Variants in CEP162 observed in about 807,000 individuals in gnomAD.
CEP162 encodes centrosomal protein of 162 kDa.
A neutral mutation model predicts 169.2 loss-of-function variants in CEP162; 141 were observed. That is an observed-to-expected ratio of 0.83 (90% CI 0.73 to 0.96). The LOEUF is 0.96. CEP162 is among the 40% of genes least tolerant of loss of function. The probability of loss-of-function intolerance (pLI) is 0.00; values close to 1 mark genes in which losing one functional copy is unlikely to be tolerated. For missense variants in CEP162, 1,600 were observed against 1,587.2 expected, an observed-to-expected ratio of 1.01 and a Z score of -0.14; for synonymous variants, 540 against 526.4, an observed-to-expected ratio of 1.03 and a Z score of -0.35.
At chr6:84,179,293 C>T (rs529330530) in intron 13 of CEP162, among the ~76,000 whole-genome samples, 9 of 152,248 alleles carry the variant, frequency 5.9e-5, no homozygotes, top group African/African-American at 2.2e-4. Context: ...TAAAAGTGTT[C>T]CTATTTCTCC....
At chr6:84,199,116 T>TA (rs1222209636) in intron 9 of CEP162, among the ~76,000 whole-genome samples, 2 of 152,292 alleles carry the variant, frequency 1.3e-5, no homozygotes, top group Non-Finnish European at 2.9e-5. Flanking sequence ...AATGGCCTTT[T>TA]AAAAAAATTC....
intron 25 of CEP162, among the ~76,000 whole-genome samples, chr6:84,142,873 TAA>T (rs565852961): frequency 0.024 from 3,665 of 152,200 alleles, 137 homozygotes; most frequent in African/African-American, 0.084. Flanking sequence ...GCTGCTTGCC[TAA>T]CCTGCATGTG....
At chr6:84,156,010 A>C (rs912590379) in intron 21 of CEP162, among the ~76,000 whole-genome samples, 1 of 152,112 alleles carries the variant, frequency 6.6e-6, no homozygotes, top group Admixed American at 6.6e-5. Context: ...CCAAAACAGC[A>C]CAGTACTGAT....
intron 25 of CEP162, among the ~76,000 whole-genome samples, chr6:84,145,604 G>A (rs577766265): frequency 6.6e-6 from 1 of 151,988 alleles, no homozygotes; most frequent in Non-Finnish European, 1.5e-5. Context: ...ATGTAATCTG[G>A]TCTAGATCTC....
rs534843635 is a variant in CEP162, at chr6:84,128,938, G to A, written c.3871-2426C>T. Among the ~76,000 whole-genome samples, 5 of 151,710 alleles carry A rather than the reference G, an allele frequency of 3.3e-5. No individual in the cohort carries two copies. In the South Asian group the frequency reaches 6.3e-4, roughly 19 times the overall value. The stretch of plus-strand genomic sequence containing the variant: ...CTTCCACTTATGAGTGAGAACATGC[G>A]GTGTTTGGTTTTCTGTTCTTGCCTT... On this transcript the variant is annotated intron_variant, in intron 25 of 26. Transcript: ENST00000403245.
At chr6:84,180,704 GACAA>G (rs1318442640) in intron 13 of CEP162, among the ~76,000 whole-genome samples, 26 of 151,840 alleles carry the variant, frequency 1.7e-4, no homozygotes, top group African/African-American at 3.9e-4. Context: ...ACCAATAACA[GACAA>G]ACAGAGAGCC....
At chr6:84,222,663 TCTGA>T (rs1162554535) in intron 2 of CEP162, among the ~76,000 whole-genome samples, 4 of 152,238 alleles carry the variant, frequency 2.6e-5, no homozygotes, top group South Asian at 2.1e-4. Flanking sequence ...TAAACCCATG[TCTGA>T]CTAACTCCTG....
At chr6:84,222,247 C>T (rs1369862328) in intron 2 of CEP162, among the ~76,000 whole-genome samples, 1 of 152,164 alleles carries the variant, frequency 6.6e-6, no homozygotes, top group African/African-American at 2.4e-5. Flanking sequence ...CAGTTATCCT[C>T]CCTGATCACA....
chr6:84,146,826 C>T (rs1161955441), intron 24 of CEP162, 41 bp from the exon 25 acceptor site: 7 of 1,000,222 alleles, frequency 7.0e-6, no homozygotes, highest in Non-Finnish European at 1.0e-5. Flanking sequence ...AAAGCTCCTC[C>T]TTGAACACTA....
intron 2 of CEP162, 77 bp from the exon 3 acceptor site, chr6:84,221,248 T>C: frequency 1.4e-6 from 1 of 724,800 alleles, no homozygotes; most frequent in Non-Finnish European, 2.4e-6. Flanking sequence ...TAAGCATGTT[T>C]CTATTAGTTC....
chr6:84,149,519 C>T (rs546256904), intron 24 of CEP162, 43 bp downstream of exon 24: 7 of 1,465,366 alleles, frequency 4.8e-6, no homozygotes, highest in Admixed American at 2.4e-5. Flanking sequence ...AAAGTCAAAA[C>T]GAGTTTATTC....
chr6:84,198,014 G>C (rs1322836682), intron 9 of CEP162, among the ~76,000 whole-genome samples: 1 of 152,024 alleles, frequency 6.6e-6, no homozygotes, highest in East Asian at 1.9e-4. Context: ...CTTGGTGTTA[G>C]GAAACCTTAA....
chr6:84,129,606 G>A (rs1182454975), intron 25 of CEP162, among the ~76,000 whole-genome samples: 1 of 152,044 alleles, frequency 6.6e-6, no homozygotes, highest in East Asian at 1.9e-4. Flanking sequence ...TGGATAGATT[G>A]CAAAAATTTT....
In CEP162 at chr6:84,175,012, G is replaced by A. The variant is rs542726638; in HGVS notation, c.1798-58C>T. 13 of 1,153,124 alleles carry A rather than the reference G, an allele frequency of 1.1e-5. No homozygotes were observed. In the South Asian group the frequency reaches 2.0e-4, roughly 17 times the overall value. The allele number at this position is 1,153,124 out of a possible 1,614,324, so 71.4% of individuals were successfully genotyped here. ...GACTTATGTATAAGATTTGAACACA[G>A]GTGGTTAATTAAAAAAAGAATAAAA... On this transcript the variant is annotated intron_variant, in intron 14 of 26. Transcript: ENST00000403245.
intron 9 of CEP162, among the ~76,000 whole-genome samples, chr6:84,195,496 C>T (rs1438044671): frequency 6.6e-6 from 1 of 152,224 alleles, no homozygotes; most frequent in Non-Finnish European, 1.5e-5. Context: ...TCCAACTTTG[C>T]AATCCAATGT....
At chr6:84,217,879 G>A (rs1300562654) in intron 3 of CEP162, 2 of 152,242 alleles carry the variant, frequency 1.3e-5, no homozygotes, top group Non-Finnish European at 2.9e-5. Context: ...AAGAGACACA[G>A]TAGATAGGTG....
chr6:84,180,063 G>A (rs1310636718), intron 13 of CEP162, among the ~76,000 whole-genome samples: 5 of 152,036 alleles, frequency 3.3e-5, no homozygotes, highest in Admixed American at 6.6e-5. Context: ...TTAGACCAAT[G>A]CCCCTGATGA....
At chr6:84,217,419 A>C (rs1427701116) in intron 3 of CEP162, among the ~76,000 whole-genome samples, 1 of 152,202 alleles carries the variant, frequency 6.6e-6, no homozygotes, top group Non-Finnish European at 1.5e-5. Context: ...GTGAGGGACC[A>C]ATCCACATGA....
chr6:84,145,217 G>A (rs938579184), intron 25 of CEP162, among the ~76,000 whole-genome samples: 1 of 152,066 alleles, frequency 6.6e-6, no homozygotes, highest in Non-Finnish European at 1.5e-5. Flanking sequence ...GGGATCTCTA[G>A]AAGAGAAAGG....
Sources: gnomAD v4.1 joint callset for allele counts (sites outside exome capture counted in the v4.1 genomes callset) on GRCh38, gnomAD v4.1.1 for gene constraint, MANE v1.5 for transcripts, NCBI Gene and HGNC (gene_info 2026-07-23, HGNC 2026-07-21) for gene names.